FRY: variants seen among roughly 807,000 people sequenced by gnomAD.
FRY encodes the protein FRY microtubule binding protein.
Under a neutral mutation model 348.4 loss-of-function variants are expected in FRY, and 128 were observed. The ratio of observed to expected loss-of-function variants is 0.37; its 90% CI spans 0.32 to 0.43. FRY has a LOEUF of 0.43. Ranked by LOEUF, FRY falls within the 20% of genes least tolerant of loss-of-function variation. The pLI, the probability that FRY is intolerant of heterozygous loss-of-function variation, is 1.00. For missense variants in FRY, 2,736 were observed against 3,695.2 expected (o/e 0.74, Z 6.73); for synonymous variants, 1,370 against 1,374.7 (o/e 1.00, Z 0.08).
intron 58 of FRY, among the ~76,000 whole-genome samples, chr13:32,288,089 TATC>T (rs1302373124): frequency 2.6e-5 from 4 of 152,240 alleles, no homozygotes; most frequent in African/African-American, 9.6e-5. Context: ...TGCTATGAAT[TATC>T]ATATTATCAG....
chr13:32,076,127 G>T lies in FRY; in HGVS notation c.71-2707G>T, dbSNP rs545939903. 2.0e-5 allele frequency among the ~76,000 whole-genome samples: 3 copies of T among 152,284 alleles called. No homozygotes were observed. In the South Asian group the frequency reaches 6.2e-4, roughly 32 times the overall value. On this transcript the variant is annotated intron_variant, in intron 1 of 60. Coordinates refer to ENST00000542859, the MANE Select transcript of FRY (RefSeq NM_023037.3). ...TCTCTCTAGTTCAAAATGCAGCCTT[G>T]TAGGAGGACTGTCAGAGGTCACTCT...
Position 32,155,526 on chromosome 13 carries a change from A to C in FRY, c.1515A>C (p.Ile505=). Residue 505 remains isoleucine, a synonymous_variant, in exon 15 of 61, where the codon ATA becomes ATC. Transcript: ENST00000542859. The stretch of plus-strand genomic sequence containing the variant: ...TTGGTTTACGGGCATTCTTGGTCAT[A>C]GCTGATAGCTTGCAGCAGAAAGATG... The part of the protein sequence containing the change: ...MNIGLRAFLV[I]ADSLQQKDGE... 6.2e-7 allele frequency: 1 copy of C among 1,613,700 alleles called. No individual in the cohort carries two copies. Among genetic ancestry groups the C allele is most frequent in the Non-Finnish European group, 8.5e-7 (1 of 1,179,632 alleles).
At chr13:32,197,040 C>A (rs1021359953) in intron 29 of FRY, among the ~76,000 whole-genome samples, 13 of 152,152 alleles carry the variant, frequency 8.5e-5, no homozygotes, top group African/African-American at 3.1e-4. Context: ...ACTAGCTTAA[C>A]GCACCAGAAT....
intron 24 of FRY, 66 bp downstream of exon 24, chr13:32,183,100 C>T (rs568582445): frequency 3.3e-6 from 3 of 911,392 alleles, no homozygotes; most frequent in Non-Finnish European, 5.4e-6. Flanking sequence ...TTAAATCAAA[C>T]CTAGTGATTT....
intron 2 of FRY, among the ~76,000 whole-genome samples, chr13:32,084,423 C>T (rs1178593235): frequency 6.6e-6 from 1 of 152,118 alleles, no homozygotes; most frequent in Non-Finnish European, 1.5e-5. Flanking sequence ...TGCCACCATG[C>T]GTTTATGCAT....
intron 1 of FRY, among the ~76,000 whole-genome samples, chr13:32,076,868 C>A (rs1875101505): frequency 6.6e-6 from 1 of 152,158 alleles, no homozygotes; most frequent in Non-Finnish European, 1.5e-5. Flanking sequence ...TGTCTCCAAT[C>A]AATAATTACT....
intron 50 of FRY, among the ~76,000 whole-genome samples, chr13:32,253,651 A>G (rs955281305): frequency 1.3e-5 from 2 of 152,172 alleles, no homozygotes; most frequent in Non-Finnish European, 2.9e-5. Context: ...AACCTACAGG[A>G]GAGGAATTTA....
rs1156943201 is a variant in FRY, at chr13:32,124,048, A to G, written c.465-238A>G. On this transcript the variant is annotated intron_variant, in intron 4 of 60. Transcript: ENST00000542859. ...GGACGGGGTTTCACCATGTGGGCCA[A>G]GCTGTTCTCAAACTCCTGACCTCAG... 2.0e-5 allele frequency among the ~76,000 whole-genome samples: 3 copies of G among 152,180 alleles called. No individual in the cohort carries two copies. In the East Asian group the frequency reaches 5.8e-4, roughly 29 times the overall value.
intron 1 of FRY, among the ~76,000 whole-genome samples, chr13:32,070,899 G>A (rs1395620405): frequency 3.7e-4 from 56 of 152,242 alleles, no homozygotes; most frequent in Non-Finnish European, 7.4e-5. Context: ...TAAGGTGTAA[G>A]GAAGGGATCC....
intron 1 of FRY, among the ~76,000 whole-genome samples, chr13:32,052,987 C>T (rs539920541): frequency 1.3e-5 from 2 of 152,028 alleles, no homozygotes; most frequent in South Asian, 2.1e-4. Flanking sequence ...GTGGTGTGGG[C>T]GTGGAGTCCT....
At chr13:32,160,387 G>A (rs1164223922) in intron 16 of FRY, among the ~76,000 whole-genome samples, 1 of 152,136 alleles carries the variant, frequency 6.6e-6, no homozygotes, top group Non-Finnish European at 1.5e-5. Flanking sequence ...TTCCATAAAG[G>A]TTACAGATAA....
chr13:32,195,934 C>T (rs1883648259), intron 29 of FRY, among the ~76,000 whole-genome samples: 1 of 152,210 alleles, frequency 6.6e-6, no homozygotes, highest in Non-Finnish European at 1.5e-5. Context: ...CAACACAGGG[C>T]ATGTTCAGAA....
chr13:32,204,289 C>A (rs995592283), intron 31 of FRY, among the ~76,000 whole-genome samples: 2 of 151,668 alleles, frequency 1.3e-5, no homozygotes, highest in African/African-American at 2.4e-5. Context: ...ATTATCACAA[C>A]TACCACCACC....
At chr13:32,218,136 T>C (rs577043029) in intron 35 of FRY, among the ~76,000 whole-genome samples, 8 of 152,358 alleles carry the variant, frequency 5.3e-5, no homozygotes, top group African/African-American at 1.9e-4. Flanking sequence ...AAGGGAATCA[T>C]GTTATTCAGT....
In FRY at chr13:32,237,919, C is replaced by A; in HGVS notation, c.6351C>A (p.Thr2117=). Residue 2117 remains threonine (T), a synonymous_variant, in exon 44 of 61, where the codon ACC becomes ACA. Transcript: ENST00000542859. The surrounding 1 kb of genome is among the most constrained non-coding windows in gnomAD (Gnocchi z 6.3). ...CATCCCTCACCACCACAGACCTGAC[C>A]CTGCAGCTCTTCAGTCTGCTGACAC... is the stretch of plus-strand genomic sequence containing the variant. ...GFTSLTTTDL[T]LQLFSLLTPV... The A allele has an allele frequency of 6.2e-7, 1 of 1,614,036 alleles. No individual in the cohort carries two copies. Among genetic ancestry groups the A allele is most frequent in the Non-Finnish European group, 8.5e-7 (1 of 1,179,918 alleles).
rs61948361 is a variant in FRY at position 32,274,445 on chromosome 13, C to A, written c.8137-397C>A. Among the ~76,000 whole-genome samples, 17 of 152,148 alleles carry A rather than the reference C, an allele frequency of 1.1e-4. No individual in the cohort carries two copies. The East Asian group carries it at 1.2e-3, about 10-fold the overall frequency. On this transcript the variant is annotated intron_variant, in intron 55 of 60. Transcript: ENST00000542859. ...AATCAGGGCCAGACGCAGTGGCTCACACCTGTAATCCCAGCACTTTGGGAG... is the reference window on the plus strand; with the variant it reads ...AATCAGGGCCAGACGCAGTGGCTCAAACCTGTAATCCCAGCACTTTGGGAG...
At chr13:32,230,816 G>A (rs575599424) in intron 40 of FRY, among the ~76,000 whole-genome samples, 17 of 152,192 alleles carry the variant, frequency 1.1e-4, no homozygotes, top group South Asian at 2.1e-4. Flanking sequence ...CCTTGCCAGC[G>A]TCTATTATTT....
Position 32,239,684 on chromosome 13 carries a change from T to A in FRY, c.6517-27T>A. On this transcript the variant is annotated intron_variant, in intron 45 of 60. Transcript: ENST00000542859. This position sits in a 1 kb window ranked among gnomAD's most constrained non-coding sequence, Gnocchi z 4.3. The stretch of plus-strand genomic sequence containing the variant: ...CTTCCTATTCATTGGGCTATTTTAT[T>A]CCTAATTGATTTTTTTATTTTAAAA... 6.6e-7 allele frequency: 1 copy of A among 1,523,600 alleles called. No homozygotes were observed. Among genetic ancestry groups the A allele is most frequent in the Non-Finnish European group, 9.1e-7 (1 of 1,098,600 alleles). 94.4% of individuals were successfully genotyped at this position (1,523,600 alleles called of 1,614,324 possible).
At chr13:32,148,365 C>A (rs1011160824) in intron 13 of FRY, among the ~76,000 whole-genome samples, 1 of 152,162 alleles carries the variant, frequency 6.6e-6, no homozygotes, top group Non-Finnish European at 1.5e-5. Flanking sequence ...TAATAATGTT[C>A]TTTCAACCTA....
Sources: allele counts gnomAD v4.1 joint callset (sites outside exome capture counted in the v4.1 genomes callset), GRCh38; gene constraint gnomAD v4.1.1; non-coding constraint Gnocchi (gnomAD v3.1); transcripts MANE v1.5; gene names NCBI Gene and HGNC (gene_info 2026-07-23, HGNC 2026-07-21).